The following IL1RAPL1 variants were observed in gnomAD, a reference collection of about 807,000 sequenced individuals.
IL1RAPL1 encodes the protein interleukin 1 receptor accessory protein like 1, also known as interleukin-1 receptor accessory protein-like 1.
A neutral mutation model predicts 48.4 loss-of-function variants in IL1RAPL1; 3 were observed. That is an observed-to-expected ratio of 0.06 (90% confidence interval 0.03 to 0.16). The LOEUF (loss-of-function observed/expected upper bound fraction) is 0.16. Among genes scored for constraint, IL1RAPL1 ranks in the 10% least tolerant of loss-of-function variants. IL1RAPL1 has a pLI of 1.00. For missense variants in IL1RAPL1, 349 were observed against 530.6 expected, an observed-to-expected ratio of 0.66 and a Z score of 3.36; for synonymous variants, 185 against 187.7, an observed-to-expected ratio of 0.99 and a Z score of 0.12.
Position 29,620,087 on chromosome X carries a change from A to C in IL1RAPL1, c.704-48343A>C, listed in dbSNP as rs979423123. ...CAACAAAAAATTAAATGTAAGGGTC[A>C]AAATGTGAGGGCTCCTTTCTCATTT... is the stretch of plus-strand genomic sequence containing the variant. On this transcript the variant is annotated intron_variant, in intron 5 of 10. Transcript: ENST00000378993. 4.5e-5 allele frequency among the ~76,000 whole-genome samples: 5 copies of C among 111,929 alleles called. No homozygotes were observed. The Admixed American group carries it at 4.8e-4, about 11-fold the overall frequency.
At chrX:28,789,267 G>C (rs1936508080) in intron 1 of IL1RAPL1, 53 bp from the exon 2 acceptor site, 1 of 662,725 alleles carries the variant, frequency 1.5e-6, no homozygotes, top group Non-Finnish European at 2.4e-6. Context: ...TAATAATATT[G>C]CTATCTATTT....
rs756510694 is a variant in IL1RAPL1 at position 28,756,573 on chromosome X, A to G, written c.-24-32747A>G. 3.6e-5 allele frequency among the ~76,000 whole-genome samples: 4 copies of G among 112,001 alleles called. No individual in the cohort carries two copies. The East Asian group carries it at 1.1e-3, about 32-fold the overall frequency. Reference sequence around the variant, plus strand: ...TGCTTTTTGCAGCTCAATTCTCCAAATGTCCCAACCTCTACTGGACTGGCT... The same window carrying G: ...TGCTTTTTGCAGCTCAATTCTCCAAGTGTCCCAACCTCTACTGGACTGGCT... On this transcript the variant is annotated intron_variant, in intron 1 of 10. Transcript: ENST00000378993.
intron 6 of IL1RAPL1, among the ~76,000 whole-genome samples, chrX:29,821,533 CT>C (rs1280132782): frequency 1.8e-5 from 2 of 111,961 alleles, no homozygotes; most frequent in African/African-American, 3.2e-5. Context: ...TTACTGAAAA[CT>C]TTGTTTTATT....
chrX:28,949,010 G>T (rs746039765), intron 2 of IL1RAPL1, among the ~76,000 whole-genome samples: 40 of 110,593 alleles, frequency 3.6e-4, no homozygotes, highest in Non-Finnish European at 6.6e-4. Context: ...GTGGATGGAG[G>T]ATCACTACTA....
intron 2 of IL1RAPL1, among the ~76,000 whole-genome samples, chrX:29,128,946 T>A (rs1928956415): frequency 9.0e-6 from 1 of 111,283 alleles, no homozygotes; most frequent in Admixed American, 9.6e-5. Flanking sequence ...AATTTGCAAT[T>A]CAAAACCACC....
intron 1 of IL1RAPL1, among the ~76,000 whole-genome samples, chrX:28,640,935 A>G (rs1275123943): frequency 4.5e-5 from 5 of 110,761 alleles, no homozygotes; most frequent in Non-Finnish European, 9.4e-5. Context: ...TCATCCTCAC[A>G]GTTTCTTTGG....
In IL1RAPL1 at chrX:29,546,030, A is replaced by G. The variant is rs909067254; in HGVS notation, c.704-122400A>G. Among the ~76,000 whole-genome samples the G allele has an allele frequency of 8.1e-5, 9 of 111,569 alleles. No individual in the cohort carries two copies. In the East Asian group the frequency reaches 8.4e-4, roughly 10 times the overall value. On this transcript the variant is annotated intron_variant, in intron 5 of 10. Coordinates refer to ENST00000378993, the MANE Select transcript of IL1RAPL1 (RefSeq NM_014271.4). ...GTCTGGAGACACTTTTGGTTGTGACATCTTCGGGGAGGATGCTACTGGTAG... is the reference window on the plus strand; with the variant it reads ...GTCTGGAGACACTTTTGGTTGTGACGTCTTCGGGGAGGATGCTACTGGTAG...
intron 5 of IL1RAPL1, among the ~76,000 whole-genome samples, chrX:29,496,469 CTTTTTTT>C (rs60141942): frequency 2.5e-4 from 18 of 73,272 alleles, no homozygotes; most frequent in Admixed American, 3.2e-4. Flanking sequence ...TTTCTTATTC[CTTTTTTT>C]TTTTTTTTTT....
In IL1RAPL1 at chrX:29,566,229, G is replaced by A. The variant is rs1298049573; in HGVS notation, c.704-102201G>A. 9.0e-5 allele frequency among the ~76,000 whole-genome samples: 10 copies of A among 111,666 alleles called. No individual in the cohort carries two copies. In the South Asian group the frequency reaches 1.9e-3, roughly 21 times the overall value. On this transcript the variant is annotated intron_variant, in intron 5 of 10. Transcript: ENST00000378993. ...GCTGGGATTACAGGTGCGAGCCACC[G>A]CGCCCGGCCCATGTGGGGAAATTTA...
At chrX:29,859,191 C>T (rs1014462647) in intron 6 of IL1RAPL1, among the ~76,000 whole-genome samples, 1 of 111,737 alleles carries the variant, frequency 8.9e-6, no homozygotes, top group Admixed American at 9.5e-5. Context: ...TTGTAAACCC[C>T]ATCTCTAGTT....
At chrX:29,064,675 G>A (rs886245998) in intron 2 of IL1RAPL1, among the ~76,000 whole-genome samples, 10 of 110,766 alleles carry the variant, frequency 9.0e-5, no homozygotes, top group South Asian at 3.9e-4. Flanking sequence ...TCCACCTCCC[G>A]GGTTCACGCC....
chrX:29,803,736 T>C (rs1183585961), intron 6 of IL1RAPL1, among the ~76,000 whole-genome samples: 6 of 108,831 alleles, frequency 5.5e-5, no homozygotes, highest in Non-Finnish European at 9.6e-5. Context: ...TACAAGTGTA[T>C]TCTGCATCAC....
At chrX:29,687,765 G>A (rs6630936) in intron 6 of IL1RAPL1, among the ~76,000 whole-genome samples, 42,606 of 110,802 alleles carry the variant, frequency 0.38, 5,969 homozygotes, top group South Asian at 0.51. Context: ...TGTCCCATAA[G>A]TATGTCTAAT....
intron 5 of IL1RAPL1, among the ~76,000 whole-genome samples, chrX:29,485,467 T>C (rs1281953702): frequency 9.0e-6 from 1 of 111,551 alleles, no homozygotes; most frequent in Non-Finnish European, 1.9e-5. Flanking sequence ...TATGTAGTAC[T>C]ATTCTTCCTC....
chrX:28,880,452 A>ATT (rs1188618064), intron 2 of IL1RAPL1, among the ~76,000 whole-genome samples: 1 of 112,537 alleles, frequency 8.9e-6, no homozygotes, highest in Non-Finnish European at 1.9e-5. Flanking sequence ...AATTGTTAAG[A>ATT]ATTTTCTGAA....
intron 1 of IL1RAPL1, among the ~76,000 whole-genome samples, chrX:28,644,697 T>C (rs1412176825): frequency 8.9e-6 from 1 of 111,950 alleles, no homozygotes; most frequent in Non-Finnish European, 1.9e-5. Context: ...AAAAAAATCT[T>C]TTGGCAAATT....
chrX:29,480,291 C>CATACATAT (rs375536384), intron 5 of IL1RAPL1, among the ~76,000 whole-genome samples: 52 of 76,572 alleles, frequency 6.8e-4, no homozygotes, highest in African/African-American at 3.0e-3. Flanking sequence ...CACACATATA[C>CATACATAT]ATATATATAT....
intron 7 of IL1RAPL1, among the ~76,000 whole-genome samples, chrX:29,919,274 ACCT>A (rs1030414741): frequency 2.7e-5 from 3 of 111,685 alleles, no homozygotes; most frequent in African/African-American, 9.7e-5. Context: ...AGGACAATTA[ACCT>A]CCTAACTTTT....
intron 2 of IL1RAPL1, among the ~76,000 whole-genome samples, chrX:28,860,615 A>G (rs1311562641): frequency 2.8e-5 from 3 of 107,659 alleles, no homozygotes; most frequent in Non-Finnish European, 5.8e-5. Context: ...ACACCACCAC[A>G]CCCGGCTAAT....
Sources: gnomAD v4.1 joint callset for allele counts (sites outside exome capture counted in the v4.1 genomes callset) on GRCh38, gnomAD v4.1.1 for gene constraint, MANE v1.5 for transcripts, NCBI Gene and HGNC (gene_info 2026-07-23, HGNC 2026-07-21) for gene names.